CNTNAP2: variants seen among roughly 807,000 people sequenced by gnomAD.
The protein encoded by CNTNAP2 is contactin-associated protein-like 2.
Under a neutral mutation model 155.2 loss-of-function variants are expected in CNTNAP2, and 98 were observed. The ratio of observed to expected loss-of-function variants is 0.63; its 90% CI spans 0.54 to 0.75. CNTNAP2 has a LOEUF of 0.75. Ranked by LOEUF, CNTNAP2 falls within the 30% of genes least tolerant of loss-of-function variation. The probability of loss-of-function intolerance (pLI) is 0.00; values close to 1 mark genes in which losing one functional copy is unlikely to be tolerated. For missense variants in CNTNAP2, 1,727 were observed against 1,688.1 expected (o/e 1.02, Z -0.40); for synonymous variants, 651 against 631.2 (o/e 1.03, Z -0.47).
chr7:146,301,720 T>A (rs1800614104), intron 1 of CNTNAP2, among the ~76,000 whole-genome samples: 1 of 152,138 alleles, frequency 6.6e-6, no homozygotes, highest in Admixed American at 6.5e-5. Flanking sequence ...GTTGCATGAA[T>A]GATCTCCAAA....
intron 13 of CNTNAP2, among the ~76,000 whole-genome samples, chr7:147,824,516 A>G (rs1329310909): frequency 6.6e-6 from 1 of 152,120 alleles, no homozygotes; most frequent in African/African-American, 2.4e-5. Context: ...TGGAAATGGT[A>G]CCTATCATTA....
At chr7:146,404,144 A>G (rs1481157410) in intron 1 of CNTNAP2, among the ~76,000 whole-genome samples, 1 of 146,318 alleles carries the variant, frequency 6.8e-6, no homozygotes, top group Non-Finnish European at 1.5e-5. Context: ...AAAAAAAAAC[A>G]AAGAACTTGG....
chr7:147,023,082 T>A (rs865980442), intron 3 of CNTNAP2, among the ~76,000 whole-genome samples: 1 of 152,166 alleles, frequency 6.6e-6, no homozygotes, highest in Non-Finnish European at 1.5e-5. Flanking sequence ...TGCTTCATGA[T>A]AAACATTTGC....
At chr7:147,527,209 G>A (rs867127154) in intron 11 of CNTNAP2, among the ~76,000 whole-genome samples, 24 of 151,680 alleles carry the variant, frequency 1.6e-4, no homozygotes, top group African/African-American at 5.6e-4. Context: ...ATTTTTAGTA[G>A]AGACAGGGTT....
intron 1 of CNTNAP2, among the ~76,000 whole-genome samples, chr7:146,364,074 G>A (rs751807645): frequency 6.6e-5 from 10 of 152,036 alleles, no homozygotes; most frequent in East Asian, 1.9e-4. Flanking sequence ...ATCTAATACC[G>A]TTTGTAAGGA....
intron 1 of CNTNAP2, among the ~76,000 whole-genome samples, chr7:146,429,382 T>G (rs1796139725): frequency 6.6e-6 from 1 of 152,160 alleles, no homozygotes; most frequent in African/African-American, 2.4e-5. Context: ...TTTTTCCACT[T>G]GTTTGTGTTC....
chr7:147,636,291 AAGGG>A (rs1795179613), intron 12 of CNTNAP2, among the ~76,000 whole-genome samples: 1 of 152,148 alleles, frequency 6.6e-6, no homozygotes, highest in South Asian at 2.1e-4. Flanking sequence ...TTATAGATGA[AAGGG>A]GTTTAGAGCC....
chr7:146,439,921 C>T (rs1447239432), intron 1 of CNTNAP2, among the ~76,000 whole-genome samples: 3 of 151,434 alleles, frequency 2.0e-5, no homozygotes, highest in East Asian at 1.9e-4. Flanking sequence ...GTCAGGAGTT[C>T]GAGACCAGCC....
At chr7:147,725,508 CATT>C (rs67434045) in intron 13 of CNTNAP2, among the ~76,000 whole-genome samples, 2,243 of 152,124 alleles carry the variant, frequency 0.015, 45 homozygotes, top group African/African-American at 0.05. Flanking sequence ...GAGAATATAT[CATT>C]ATTAGTGGGA....
chr7:147,920,163 C>T (rs1800246414), intron 14 of CNTNAP2, among the ~76,000 whole-genome samples: 1 of 151,338 alleles, frequency 6.6e-6, no homozygotes, highest in Non-Finnish European at 1.5e-5. Context: ...TAGAGACCAG[C>T]CTGAACAACA....
intron 1 of CNTNAP2, among the ~76,000 whole-genome samples, chr7:146,641,305 A>G (rs1245353592): frequency 1.3e-5 from 2 of 152,222 alleles, no homozygotes; most frequent in South Asian, 2.1e-4. Flanking sequence ...CAGCCTGAGG[A>G]ACAGAGCGAG....
chr7:147,902,778 T>TTGTGTGTG (rs564991239), intron 13 of CNTNAP2, among the ~76,000 whole-genome samples: 51 of 136,786 alleles, frequency 3.7e-4, no homozygotes, highest in South Asian at 3.0e-3. Flanking sequence ...TCATATATGT[T>TTGTGTGTG]TGTGTGTGTG....
At chr7:146,313,849 AT>A (rs1800865963) in intron 1 of CNTNAP2, among the ~76,000 whole-genome samples, 1 of 152,110 alleles carries the variant, frequency 6.6e-6, no homozygotes, top group South Asian at 2.1e-4. Context: ...GAACACAAAA[AT>A]TAGCCAGGTG....
At chr7:146,458,569 T>C (rs1299612524) in intron 1 of CNTNAP2, among the ~76,000 whole-genome samples, 1 of 152,208 alleles carries the variant, frequency 6.6e-6, no homozygotes, top group East Asian at 1.9e-4. Context: ...ATATGTCCTA[T>C]ACACATACAT....
intron 13 of CNTNAP2, among the ~76,000 whole-genome samples, chr7:147,657,840 A>G (rs2116948689): frequency 6.6e-6 from 1 of 152,342 alleles, no homozygotes; most frequent in Non-Finnish European, 1.5e-5. Flanking sequence ...CATAGTGTAA[A>G]TGAAATATTT....
chr7:148,393,381 T>C lies in CNTNAP2; in HGVS notation c.3715+9493T>C, dbSNP rs576524765. The stretch of plus-strand genomic sequence containing the variant: ...CACACTTAATCGTGTGAAGAAAAAC[T>C]ATCATCCCTTGCTTGCTAATGTGCA... On this transcript the variant is annotated intron_variant, in intron 22 of 23. Transcript: ENST00000361727. Among the ~76,000 whole-genome samples, 11 of 152,350 alleles carry C rather than the reference T, an allele frequency of 7.2e-5. No homozygotes were observed. In the East Asian group the frequency reaches 2.1e-3, roughly 29 times the overall value.
rs187074496 is a variant in CNTNAP2 at position 147,526,232 on chromosome 7, A to G, written c.1778-35906A>G. 2.8e-3 allele frequency among the ~76,000 whole-genome samples: 424 copies of G among 152,056 alleles called. 4 individuals are homozygous for G. Among genetic ancestry groups the G allele is most frequent in the African/African-American group, 9.3e-3 (386 of 41,474 alleles). On this transcript the variant is annotated intron_variant, in intron 11 of 23. Coordinates refer to ENST00000361727, the MANE Select transcript of CNTNAP2 (RefSeq NM_014141.6). ...AAGGAAAAGAAAATATTGTTGTGGAAAAACATTGCAGGAATGCTTGAATCT... is the reference window on the plus strand; with the variant it reads ...AAGGAAAAGAAAATATTGTTGTGGAGAAACATTGCAGGAATGCTTGAATCT...
At chr7:146,491,386 C>A (rs1301565709) in intron 1 of CNTNAP2, among the ~76,000 whole-genome samples, 3 of 150,584 alleles carry the variant, frequency 2.0e-5, no homozygotes, top group Non-Finnish European at 3.0e-5. Context: ...AAAAAAAAAA[C>A]AACATGATCC....
At chr7:146,350,713 T>C (rs1456761758) in intron 1 of CNTNAP2, among the ~76,000 whole-genome samples, 13 of 151,976 alleles carry the variant, frequency 8.6e-5, no homozygotes, top group Admixed American at 8.5e-4. Context: ...CATGCTGCTA[T>C]AAAGACACAT....
Sources: allele counts gnomAD v4.1 joint callset (sites outside exome capture counted in the v4.1 genomes callset), GRCh38; gene constraint gnomAD v4.1.1; transcripts MANE v1.5; gene names NCBI Gene and HGNC (gene_info 2026-07-23, HGNC 2026-07-21).